SP3: variants seen among roughly 807,000 people sequenced by gnomAD.
The protein encoded by SP3 is transcription factor Sp3.
Under a neutral mutation model 70.3 loss-of-function variants are expected in SP3, and 10 were observed. The observed-to-expected ratio is 0.14, with a 90% confidence interval of 0.09 to 0.24. The LOEUF is 0.24. Ranked by LOEUF, SP3 falls within the 10% of genes least tolerant of loss-of-function variation. The probability of loss-of-function intolerance (pLI) is 1.00; values close to 1 mark genes in which losing one functional copy is unlikely to be tolerated. For missense variants in SP3, 825 were observed against 914.6 expected, an observed-to-expected ratio of 0.90 and a Z score of 1.26; for synonymous variants, 402 against 333.5, an observed-to-expected ratio of 1.21 and a Z score of -2.24.
chr2:173,964,860 C>A, intron 1 of SP3: 1 of 489,520 alleles, frequency 2.0e-6, no homozygotes, highest in Non-Finnish European at 3.6e-6. Context: ...CTCGCGCTCG[C>A]TCCTCTCGCA....
In SP3 at chr2:173,903,774, T is replaced by C. The variant is rs914500440; in HGVS notation, c.*6167A>G. Among the ~76,000 whole-genome samples the C allele has an allele frequency of 5.3e-5, 8 of 152,226 alleles. No individual in the cohort carries two copies. Among genetic ancestry groups the C allele is most frequent in the Admixed American group, 5.2e-4 (8 of 15,292 alleles). On this transcript the variant is annotated 3_prime_UTR_variant, in exon 7 of 7. Coordinates refer to ENST00000310015, the MANE Select transcript of SP3 (RefSeq NM_003111.5). Reference sequence around the variant, plus strand: ...CGTCCTGAAACTGTAGAGGGACTTCTAAGGCTTTTAATCAGTTTTCTTGGA... The same window carrying C: ...CGTCCTGAAACTGTAGAGGGACTTCCAAGGCTTTTAATCAGTTTTCTTGGA...
Position 173,906,832 on chromosome 2 carries a change from ATGT to A in SP3, c.*3106_*3108del, listed in dbSNP as rs1463124323. 1 of 152,182 alleles carries A rather than the reference ATGT, an allele frequency of 6.6e-6. No homozygotes were observed. Among genetic ancestry groups the A allele is most frequent in the Non-Finnish European group, 1.5e-5 (1 of 68,020 alleles). The allele number at this position is 152,182 out of a possible 1,614,324, so 9.4% of individuals were successfully genotyped here. The stretch of plus-strand genomic sequence containing the variant: ...ACACATATACACTCCATCTCCAGAG[ATGT>A]TGATTTAGTAAGCTGAGGTGGCTAC... On this transcript the variant is annotated 3_prime_UTR_variant, in exon 7 of 7. Coordinates refer to ENST00000310015, the MANE Select transcript of SP3 (RefSeq NM_003111.5).
At position 173,910,154 on chromosome 2, in the gene SP3, A is replaced by T. The variant is rs753961846; in HGVS notation, c.2133T>A (p.Ser711=). 1 of 1,613,926 alleles carries T rather than the reference A, an allele frequency of 6.2e-7. No individual in the cohort carries two copies. The highest frequency in any genetic ancestry group is 1.7e-5 in the Admixed American group (1 of 60,014). ...KTHQNKKGIH[S]SSTVLASVEA... ...CCACAGATGCCAGCACTGTACTGCTAGAGTGAATACCTTTTTTATTCTGGT... is the reference window on the plus strand; with the variant it reads ...CCACAGATGCCAGCACTGTACTGCTTGAGTGAATACCTTTTTTATTCTGGT... Residue 711 remains serine, a synonymous_variant, in exon 7 of 7, where the codon TCT becomes TCA. Transcript: ENST00000310015.
intron 4 of SP3, among the ~76,000 whole-genome samples, chr2:173,950,175 A>C (rs533330424): frequency 6.6e-6 from 1 of 152,236 alleles, no homozygotes; most frequent in South Asian, 2.1e-4. Context: ...CTAAAGGATA[A>C]GGAGTAGTAA....
At chr2:173,953,773 AC>A (rs11306185) in intron 4 of SP3, among the ~76,000 whole-genome samples, 32,744 of 127,912 alleles carry the variant, frequency 0.26, 3,693 homozygotes, top group Middle Eastern at 0.33. Flanking sequence ...ATCTCAAAAA[AC>A]AAAACAAAAC....
rs550229616 is a variant in SP3 at position 173,937,352 on chromosome 2, T to TA, written c.1639+17520dup. Among the ~76,000 whole-genome samples, 468 of 152,316 alleles carry TA rather than the reference T, an allele frequency of 3.1e-3. 1 individual carries two copies. Among genetic ancestry groups the TA allele is most frequent in the Non-Finnish European group, 5.0e-3 (337 of 68,032 alleles). ...GAAATTTATCAACTACCTTCTTCAT[T>TA]AACACAAGAGATAATGCAGGGAAAT... is the stretch of plus-strand genomic sequence containing the variant. On this transcript the variant is annotated intron_variant, in intron 4 of 6. Coordinates refer to ENST00000310015, the MANE Select transcript of SP3 (RefSeq NM_003111.5).
chr2:173,930,194 T>C (rs1398966198), intron 4 of SP3, among the ~76,000 whole-genome samples: 3 of 152,210 alleles, frequency 2.0e-5, no homozygotes, highest in African/African-American at 7.2e-5. Flanking sequence ...GTGATGGTCA[T>C]AACCCTGACT....
intron 2 of SP3, chr2:173,964,094 C>T (rs1691184838): frequency 5.7e-6 from 2 of 352,418 alleles, no homozygotes; most frequent in East Asian, 4.4e-5. Context: ...CCCGGCTCCC[C>T]GGTCCGCGGG....
intron 2 of SP3, 191 bp from the exon 3 acceptor site, chr2:173,964,074 C>A (rs1457647216): frequency 1.1e-5 from 4 of 348,490 alleles, no homozygotes; most frequent in Non-Finnish European, 2.1e-5. Context: ...GCGTCCCCCG[C>A]TCCAAGCACC....
At chr2:173,923,236 T>G (rs1689806911) in intron 4 of SP3, among the ~76,000 whole-genome samples, 1 of 152,084 alleles carries the variant, frequency 6.6e-6, no homozygotes, top group African/African-American at 2.4e-5. Flanking sequence ...GTCCTGTGAT[T>G]ATGGCTGTTT....
At chr2:173,912,933 C>T in intron 6 of SP3, 137 bp downstream of exon 6, 1 of 552,310 alleles carries the variant, frequency 1.8e-6, no homozygotes, top group Non-Finnish European at 2.9e-6. Flanking sequence ...GATGGTGTTA[C>T]TAAAGGTAAA....
At chr2:173,913,649 T>A (rs1358962525) in intron 5 of SP3, 1 of 153,592 alleles carries the variant, frequency 6.5e-6, no homozygotes, top group Non-Finnish European at 1.4e-5. Context: ...TGGTCTGTAT[T>A]CAAAAGTCGT....
chr2:173,939,072 T>C (rs1690289742), intron 4 of SP3, among the ~76,000 whole-genome samples: 1 of 152,166 alleles, frequency 6.6e-6, no homozygotes, highest in African/African-American at 2.4e-5. Flanking sequence ...ATATCAACAG[T>C]GCAGAGGTTG....
chr2:173,965,109 TCGGCGG>T, intron 1 of SP3, 50 bp downstream of exon 1: 1 of 1,543,458 alleles, frequency 6.5e-7, no homozygotes, highest in Admixed American at 2.0e-5. Flanking sequence ...CTGGCTGTGG[TCGGCGG>T]CAGCGGCGGC....
intron 4 of SP3, among the ~76,000 whole-genome samples, chr2:173,922,524 C>T (rs1438609831): frequency 6.6e-6 from 1 of 151,672 alleles, no homozygotes; most frequent in East Asian, 1.9e-4. Context: ...ATACATTAGG[C>T]ATTGAGAGTC....
rs150739931 is a variant in SP3, at chr2:173,939,031, A to G, written c.1639+15842T>C. Reference sequence around the variant, plus strand: ...CTCAACATCCTACAATGCAGAGGACAGCCCCAAAACAAAGAATCATCAGGC... The same window carrying G: ...CTCAACATCCTACAATGCAGAGGACGGCCCCAAAACAAAGAATCATCAGGC... On this transcript the variant is annotated intron_variant, in intron 4 of 6. Coordinates refer to ENST00000310015, the MANE Select transcript of SP3 (RefSeq NM_003111.5). Among the ~76,000 whole-genome samples the G allele has an allele frequency of 7.0e-4, 107 of 152,326 alleles. 1 individual carries two copies. The highest frequency in any genetic ancestry group is 1.2e-3 in the Non-Finnish European group (85 of 68,016).
chr2:173,934,151 G>T (rs1690151586), intron 4 of SP3, among the ~76,000 whole-genome samples: 1 of 151,860 alleles, frequency 6.6e-6, no homozygotes, highest in Non-Finnish European at 1.5e-5. Flanking sequence ...AACACAGTAG[G>T]ATCACATGAG....
intron 3 of SP3, among the ~76,000 whole-genome samples, chr2:173,959,497 G>A (rs865919474): frequency 2.6e-5 from 4 of 152,274 alleles, no homozygotes; most frequent in South Asian, 2.1e-4. Flanking sequence ...AGGCTGAGGC[G>A]GGCAGATCAC....
At position 173,904,431 on chromosome 2, in the gene SP3, GTC is replaced by G. The variant is rs141247905; in HGVS notation, c.*5508_*5509del. The stretch of plus-strand genomic sequence containing the variant: ...ACTTAAGAAAAAACTAAGTTGGGGA[GTC>G]TCTCTGTAAGGTTTTAAGGCTATCT... On this transcript the variant is annotated 3_prime_UTR_variant, in exon 7 of 7. Coordinates refer to ENST00000310015, the MANE Select transcript of SP3 (RefSeq NM_003111.5). Among the ~76,000 whole-genome samples, 5,468 of 152,272 alleles carry G rather than the reference GTC, an allele frequency of 0.036. 345 individuals carry two copies. Among genetic ancestry groups the G allele is most frequent in the African/African-American group, 0.12 (5,161 of 41,524 alleles).
Sources: gnomAD v4.1 joint callset for allele counts (sites outside exome capture counted in the v4.1 genomes callset) on GRCh38, gnomAD v4.1.1 for gene constraint, MANE v1.5 for transcripts, NCBI Gene and HGNC (gene_info 2026-07-23, HGNC 2026-07-21) for gene names.